Variants in PCDH9 observed in about 807,000 individuals in gnomAD.
PCDH9 encodes the protein protocadherin-9.
PCDH9 carries 24 observed loss-of-function variants against 70.6 expected under a neutral mutation model. The ratio of observed to expected loss-of-function variants is 0.34; its 90% CI spans 0.25 to 0.48. PCDH9 has a LOEUF of 0.48. Among genes scored for constraint, PCDH9 ranks in the 20% least tolerant of loss-of-function variants. The probability of loss-of-function intolerance (pLI) is 0.99; values close to 1 mark genes in which losing one functional copy is unlikely to be tolerated. For synonymous variants in PCDH9, 562 were observed against 558.5 expected (o/e 1.01, Z -0.09); for missense variants, 1,281 against 1,503.6 (o/e 0.85, Z 2.45).
intron 3 of PCDH9, among the ~76,000 whole-genome samples, chr13:66,900,880 T>A (rs1028863256): frequency 5.9e-5 from 9 of 151,712 alleles, no homozygotes; most frequent in African/African-American, 1.7e-4. Context: ...TGTGAAAAAA[T>A]AAAAATTAGG....
intron 4 of PCDH9, among the ~76,000 whole-genome samples, chr13:66,327,044 T>C (rs1274262964): frequency 1.3e-5 from 2 of 152,160 alleles, no homozygotes; most frequent in Non-Finnish European, 2.9e-5. Flanking sequence ...AAATTGTCTT[T>C]CTTAATACAA....
chr13:66,964,606 G>A (rs1352881742), intron 2 of PCDH9, among the ~76,000 whole-genome samples: 1 of 150,616 alleles, frequency 6.6e-6, no homozygotes, highest in Non-Finnish European at 1.5e-5. Context: ...GCTTTCCTGG[G>A]CAAAATGTAA....
chr13:66,678,949 A>G (rs1489623948), intron 3 of PCDH9, among the ~76,000 whole-genome samples: 2 of 151,486 alleles, frequency 1.3e-5, no homozygotes, highest in South Asian at 2.1e-4. Flanking sequence ...CTGGATGTAT[A>G]TATATATACA....
intron 2 of PCDH9, among the ~76,000 whole-genome samples, chr13:67,146,465 A>C (rs2087525832): frequency 6.6e-6 from 1 of 152,200 alleles, no homozygotes. Context: ...AAACCAAACC[A>C]AACAAACACA....
intron 3 of PCDH9, among the ~76,000 whole-genome samples, chr13:66,783,075 A>G (rs1030927366): frequency 6.6e-6 from 1 of 152,136 alleles, no homozygotes; most frequent in African/African-American, 2.4e-5. Flanking sequence ...TCAGTTGCTC[A>G]CAGATTTCTA....
rs894360374 is a variant in PCDH9 at position 67,227,081 on chromosome 13, G to A, written c.1360C>T (p.Leu454=). Residue 454 remains leucine, a synonymous_variant, in exon 2 of 5, where the codon CTG becomes TTG. Coordinates refer to ENST00000377865, the MANE Select transcript of PCDH9 (RefSeq NM_203487.3). The surrounding 1 kb of genome is among the most constrained non-coding windows in gnomAD (Gnocchi z 4.6). ...SGKPSLNQTA[L]VRVKLEDEND... is the part of the protein sequence containing the mutation. The stretch of plus-strand genomic sequence containing the variant: ...TCATCCTCAAGCTTAACCCTTACCA[G>A]GGCAGTCTGATTTAAACTGGGCTTC... The A allele has an allele frequency of 1.2e-6, 2 of 1,614,074 alleles. No homozygotes were observed. The highest frequency in any genetic ancestry group is 1.7e-6 in the Non-Finnish European group (2 of 1,179,980).
intron 2 of PCDH9, among the ~76,000 whole-genome samples, chr13:66,999,643 AC>A (rs1312046081): frequency 6.6e-6 from 1 of 151,576 alleles, no homozygotes; most frequent in Non-Finnish European, 1.5e-5. Flanking sequence ...CAAGAAAAAA[AC>A]AAACAACCCC....
In PCDH9 at chr13:66,956,016, C is replaced by T. The variant is rs181173565; in HGVS notation, c.3037-52411G>A. ...ATTCAGAAGGCTGAGGCAGGAGAATCGCTTGAACACAGGAGGCAGAGGTTG... is the reference window on the plus strand; with the variant it reads ...ATTCAGAAGGCTGAGGCAGGAGAATTGCTTGAACACAGGAGGCAGAGGTTG... On this transcript the variant is annotated intron_variant, in intron 2 of 4. Coordinates refer to ENST00000377865, the MANE Select transcript of PCDH9 (RefSeq NM_203487.3). Among the ~76,000 whole-genome samples the T allele has an allele frequency of 1.6e-4, 24 of 152,150 alleles. No homozygotes were observed. The South Asian group carries it at 2.1e-3, about 13-fold the overall frequency.
intron 2 of PCDH9, among the ~76,000 whole-genome samples, chr13:67,174,763 A>G (rs1390977878): frequency 6.6e-6 from 1 of 152,178 alleles, no homozygotes; most frequent in African/African-American, 2.4e-5. Context: ...ATGTTCTTTC[A>G]TAAAGTGTCA....
At chr13:66,787,966 T>C (rs1433191601) in intron 3 of PCDH9, among the ~76,000 whole-genome samples, 1 of 152,164 alleles carries the variant, frequency 6.6e-6, no homozygotes, top group Non-Finnish European at 1.5e-5. Flanking sequence ...TACCCTCATT[T>C]TGGTTCATGT....
At position 67,227,842 on chromosome 13, in the gene PCDH9, T is replaced by C. The variant is rs1250875436; in HGVS notation, c.599A>G (p.Lys200Arg). Reference sequence around the variant, plus strand: ...TTGCTGAACAATCAGTTGTGGCCACTTCTCTCCCTCTGGAGTTTCCACGAT... The same window carrying C: ...TTGCTGAACAATCAGTTGTGGCCACCTCTCTCCCTCTGGAGTTTCCACGAT... ...LDIVETPEGE[K>R]WPQLIVQQNL... Residue 200 changes from lysine (K) to arginine (R), a missense_variant, in exon 2 of 5, where the codon AAG becomes AGG. By Grantham distance (26) the Lys-to-Arg change is conservative. Transcript: ENST00000377865. This position sits in a 1 kb window ranked among gnomAD's most constrained non-coding sequence, Gnocchi z 4.6. 6.2e-7 allele frequency: 1 copy of C among 1,613,046 alleles called. No individual in the cohort carries two copies. Among genetic ancestry groups the C allele is most frequent in the East Asian group, 2.2e-5 (1 of 44,870 alleles).
At chr13:66,802,098 A>T (rs776475261) in intron 3 of PCDH9, among the ~76,000 whole-genome samples, 3 of 151,614 alleles carry the variant, frequency 2.0e-5, no homozygotes, top group Non-Finnish European at 2.9e-5. Flanking sequence ...AAACAGGTCA[A>T]CTGTACATAG....
At chr13:66,824,138 T>C (rs1313046386) in intron 3 of PCDH9, among the ~76,000 whole-genome samples, 1 of 151,700 alleles carries the variant, frequency 6.6e-6, no homozygotes, top group Non-Finnish European at 1.5e-5. Context: ...CATAGAAAAA[T>C]GGAATCTCCT....
chr13:66,611,184 G>A (rs1015270625), intron 4 of PCDH9, among the ~76,000 whole-genome samples: 1 of 152,016 alleles, frequency 6.6e-6, no homozygotes, highest in African/African-American at 2.4e-5. Flanking sequence ...TCCTTTCATT[G>A]AGCACTTGAA....
chr13:67,007,939 C>T (rs1275775184), intron 2 of PCDH9, among the ~76,000 whole-genome samples: 1 of 152,084 alleles, frequency 6.6e-6, no homozygotes, highest in Non-Finnish European at 1.5e-5. Context: ...GCTTCTGGTC[C>T]TCTGTGATTG....
intron 2 of PCDH9, chr13:67,002,011 T>A (rs1258846243): frequency 6.6e-6 from 1 of 152,200 alleles, no homozygotes; most frequent in African/African-American, 2.4e-5. Context: ...CCAAGAAATG[T>A]GCTCCTTGTT....
At chr13:67,007,462 T>C (rs1177416289) in intron 2 of PCDH9, among the ~76,000 whole-genome samples, 1 of 152,168 alleles carries the variant, frequency 6.6e-6, no homozygotes, top group Non-Finnish European at 1.5e-5. Flanking sequence ...AAAATATAAA[T>C]TTAATAACAA....
chr13:66,862,763 T>C (rs2081505508), intron 3 of PCDH9, among the ~76,000 whole-genome samples: 1 of 152,230 alleles, frequency 6.6e-6, no homozygotes, highest in Non-Finnish European at 1.5e-5. Context: ...CTCATCATTG[T>C]TGTGTCTATC....
At chr13:66,452,894 C>T (rs1958241811) in intron 4 of PCDH9, among the ~76,000 whole-genome samples, 1 of 152,036 alleles carries the variant, frequency 6.6e-6, no homozygotes, top group South Asian at 2.1e-4. Context: ...CACATGACTT[C>T]AGTCAAGATA....
Sources: allele counts gnomAD v4.1 joint callset (sites outside exome capture counted in the v4.1 genomes callset), GRCh38; gene constraint gnomAD v4.1.1; non-coding constraint Gnocchi (gnomAD v3.1); transcripts MANE v1.5; gene names NCBI Gene and HGNC (gene_info 2026-07-23, HGNC 2026-07-21).